NHSL2: variants seen among roughly 807,000 people sequenced by gnomAD.
NHSL2 encodes the protein NHS like 2, also known as NHS-like protein 2.
A neutral mutation model predicts 53.4 loss-of-function variants in NHSL2; 27 were observed. That is an observed-to-expected ratio of 0.51 (90% CI 0.37 to 0.70). The LOEUF is 0.70. Ranked by LOEUF, NHSL2 falls within the 30% of genes least tolerant of loss-of-function variation. The pLI is 0.00. For missense variants in NHSL2, 892 were observed against 980.1 expected, an observed-to-expected ratio of 0.91 and a Z score of 1.20; for synonymous variants, 408 against 404.1, an observed-to-expected ratio of 1.01 and a Z score of -0.12.
rs150017322 is a variant in NHSL2, at chrX:72,039,692, T to C, written c.281-92387T>C. Among the ~76,000 whole-genome samples, 1,119 of 111,921 alleles carry C rather than the reference T, an allele frequency of 1.0e-2. 7 individuals are homozygous for C. The highest frequency in any genetic ancestry group is 0.021 in the Admixed American group (223 of 10,649). On this transcript the variant is annotated intron_variant, in intron 1 of 7. Coordinates refer to ENST00000633930, the MANE Select transcript of NHSL2 (RefSeq NM_001013627.3). ...AGAGACCCCATGATACGTTTAGGAC[T>C]CATGTGTGCATCTTCTTTACTCATT...
At position 72,101,762 on chromosome X, in the gene NHSL2, ACTG is replaced by A. The variant is rs766174650; in HGVS notation, c.281-30312_281-30310del. Among the ~76,000 whole-genome samples, 5 of 110,402 alleles carry A rather than the reference ACTG, an allele frequency of 4.5e-5. No homozygotes were observed. In the South Asian group the frequency reaches 1.6e-3, roughly 34 times the overall value. The stretch of plus-strand genomic sequence containing the variant: ...ACACCAGCATTCCTTTTCCCTTCCT[ACTG>A]CTGCCTCCTCCAGCCCTGCAGCCTA... On this transcript the variant is annotated intron_variant, in intron 1 of 7. Transcript: ENST00000633930.
chrX:72,005,093 G>A (rs778300470), intron 1 of NHSL2, among the ~76,000 whole-genome samples: 3 of 111,456 alleles, frequency 2.7e-5, no homozygotes, highest in Non-Finnish European at 5.7e-5. Flanking sequence ...CGCTCAGTAG[G>A]CATTGGTTAT....
At chrX:72,133,987 C>T in intron 2 of NHSL2, 104 bp from the exon 3 acceptor site, 1 of 849,496 alleles carries the variant, frequency 1.2e-6, no homozygotes, top group Non-Finnish European at 1.6e-6. Flanking sequence ...AAATGCAAGT[C>T]AGGCCTGGCA....
At chrX:71,945,557 C>A in intron 1 of NHSL2, among the ~76,000 whole-genome samples, 1 of 111,747 alleles carries the variant, frequency 8.9e-6, no homozygotes, top group Non-Finnish European at 1.9e-5. Context: ...AAAAGAAAAA[C>A]CAGACCTCCG....
At chrX:71,952,923 G>T (rs2041827426) in intron 1 of NHSL2, among the ~76,000 whole-genome samples, 1 of 111,858 alleles carries the variant, frequency 8.9e-6, no homozygotes, top group Non-Finnish European at 1.9e-5. Flanking sequence ...CAGCAAGGAG[G>T]AAATCATTGC....
At chrX:72,099,424 G>A (rs2041972875) in intron 1 of NHSL2, among the ~76,000 whole-genome samples, 1 of 100,546 alleles carries the variant, frequency 9.9e-6, no homozygotes, top group Non-Finnish European at 2.0e-5. Flanking sequence ...GGAGTGCAGT[G>A]GTGCATTCTC....
At chrX:72,005,765 A>G (rs1013974009) in intron 1 of NHSL2, among the ~76,000 whole-genome samples, 2 of 112,019 alleles carry the variant, frequency 1.8e-5, no homozygotes, top group Non-Finnish European at 3.8e-5. Flanking sequence ...GAAGCCCATA[A>G]TGTAGCTGAG....
At chrX:72,078,365 AG>A (rs2041761633) in intron 1 of NHSL2, among the ~76,000 whole-genome samples, 1 of 112,570 alleles carries the variant, frequency 8.9e-6, no homozygotes, top group African/African-American at 3.2e-5. Context: ...TCCACCCCTC[AG>A]AAGTTCTGGT....
chrX:72,065,697 C>A lies in NHSL2; in HGVS notation c.281-66382C>A, dbSNP rs1488264581. ...AGCTTACAAGTTAGGTGTTTTCATT[C>A]CCCCATTATACATGGAAAATGGAAG... is the stretch of plus-strand genomic sequence containing the variant. On this transcript the variant is annotated intron_variant, in intron 1 of 7. Coordinates refer to ENST00000633930, the MANE Select transcript of NHSL2 (RefSeq NM_001013627.3). Among the ~76,000 whole-genome samples, 4 of 111,757 alleles carry A rather than the reference C, an allele frequency of 3.6e-5. No individual in the cohort carries two copies. In the East Asian group the frequency reaches 8.5e-4, roughly 24 times the overall value.
chrX:71,921,587 GA>G (rs1454781844), intron 1 of NHSL2, among the ~76,000 whole-genome samples: 2 of 111,525 alleles, frequency 1.8e-5, no homozygotes, highest in Non-Finnish European at 3.8e-5. Flanking sequence ...TTTTAAACAA[GA>G]ATAGCATTTT....
intron 1 of NHSL2, among the ~76,000 whole-genome samples, chrX:71,931,452 G>A (rs1242645765): frequency 8.9e-6 from 1 of 112,171 alleles, no homozygotes; most frequent in Non-Finnish European, 1.9e-5. Flanking sequence ...ATCTAAGAAC[G>A]TGCAAATTTA....
chrX:71,917,022 T>C (rs1368150499), intron 1 of NHSL2, among the ~76,000 whole-genome samples: 1 of 111,990 alleles, frequency 8.9e-6, no homozygotes, highest in African/African-American at 3.2e-5. Flanking sequence ...CTCCACAATT[T>C]CACTCAAATA....
intron 1 of NHSL2, chrX:72,130,547 T>C: frequency 8.3e-7 from 1 of 1,211,328 alleles, no homozygotes; most frequent in Non-Finnish European, 1.1e-6. Context: ...TCATTGGGAC[T>C]CGGAGCAAAA....
chrX:72,142,638 C>T (rs1455236762), intron 7 of NHSL2, among the ~76,000 whole-genome samples: 2 of 110,169 alleles, frequency 1.8e-5, no homozygotes, highest in Non-Finnish European at 3.8e-5. Flanking sequence ...GACCAGGTGC[C>T]GAGTGAGAGG....
chrX:72,003,470 C>T (rs1362911643), intron 1 of NHSL2, among the ~76,000 whole-genome samples: 1 of 111,656 alleles, frequency 9.0e-6, no homozygotes, highest in Non-Finnish European at 1.9e-5. Context: ...CCAAAATGCT[C>T]AGGTTCAGCT....
rs2042505965 is a variant in NHSL2 at position 72,150,742 on chromosome X, C to T, written c.*7168C>T. On this transcript the variant is annotated 3_prime_UTR_variant, in exon 8 of 8. Transcript: ENST00000633930. ...GCAAGCCATGCATCTTTTAGAGCCA[C>T]ACTAGTCAAATTGATTGGCATTTCC... is the stretch of plus-strand genomic sequence containing the variant. 8.9e-6 allele frequency: 1 copy of T among 112,177 alleles called. No homozygotes were observed. The highest frequency in any genetic ancestry group is 3.7e-4 in the South Asian group (1 of 2,712). The allele number at this position is 112,177 out of a possible 1,213,427, so 9.2% of individuals were successfully genotyped here. A position where few individuals can be genotyped will look rare whatever the true frequency, so the allele number is the denominator to read the frequency against.
chrX:72,093,769 T>C (rs1156505149), intron 1 of NHSL2, among the ~76,000 whole-genome samples: 4 of 106,791 alleles, frequency 3.7e-5, no homozygotes, highest in Non-Finnish European at 7.8e-5. Flanking sequence ...TTTCTTTCTT[T>C]CTTTCTTTCT....
rs916557376 is a variant in NHSL2, at chrX:72,145,534, A to C, written c.*1960A>C. On this transcript the variant is annotated 3_prime_UTR_variant, in exon 8 of 8. Coordinates refer to ENST00000633930, the MANE Select transcript of NHSL2 (RefSeq NM_001013627.3). ...TTCCAAATTCCAGGGATTTTGCCCA[A>C]AATAAAATCAATTCATCCCTGGCCT... 3 of 112,734 alleles carry C rather than the reference A, an allele frequency of 2.7e-5. No individual in the cohort carries two copies. Among genetic ancestry groups the C allele is most frequent in the Admixed American group, 9.4e-5 (1 of 10,691 alleles). The allele number at this position is 112,734 out of a possible 1,213,427, so 9.3% of individuals were successfully genotyped here.
chrX:72,148,840 A>ATGTGTGTGTGTGTGTGTGTGTG lies in NHSL2; in HGVS notation c.*5284_*5305dup, dbSNP rs58448364. On this transcript the variant is annotated 3_prime_UTR_variant, in exon 8 of 8. Coordinates refer to ENST00000633930, the MANE Select transcript of NHSL2 (RefSeq NM_001013627.3). ...GGAGAAAGAGAGAGAGAGAGAGTGT[A>ATGTGTGTGTGTGTGTGTGTGTG]TGTGTGTGTGTGTGTGTGTGTGTGT... 29 of 85,964 alleles carry ATGTGTGTGTGTGTGTGTGTGTG rather than the reference A, an allele frequency of 3.4e-4. No homozygotes were observed. Among genetic ancestry groups the ATGTGTGTGTGTGTGTGTGTGTG allele is most frequent in the African/African-American group, 1.2e-3 (28 of 23,033 alleles). The allele number at this position is 85,964 out of a possible 1,213,427, so 7.1% of individuals were successfully genotyped here. A position where few individuals can be genotyped will look rare whatever the true frequency, so the allele number is the denominator to read the frequency against.
Sources: allele counts gnomAD v4.1 joint callset (sites outside exome capture counted in the v4.1 genomes callset), GRCh38; gene constraint gnomAD v4.1.1; transcripts MANE v1.5; gene names NCBI Gene and HGNC (gene_info 2026-07-23, HGNC 2026-07-21).